UBAC2: variants seen among roughly 807,000 people sequenced by gnomAD.
UBAC2 encodes the protein UBA domain containing 2.
A neutral mutation model predicts 44.0 loss-of-function variants in UBAC2; 26 were observed. The observed-to-expected ratio is 0.59, with a 90% CI of 0.43 to 0.82. The LOEUF (loss-of-function observed/expected upper bound fraction) is 0.82. UBAC2 is among the 40% of genes least tolerant of loss of function. The pLI is 0.00. For missense variants in UBAC2, 329 were observed against 419.4 expected (o/e 0.78, Z 1.88); for synonymous variants, 155 against 154.3 (o/e 1.00, Z -0.04).
chr13:99,255,202 G>C, intron 4 of UBAC2: 1 of 1,614,010 alleles, frequency 6.2e-7, no homozygotes, highest in Non-Finnish European at 8.5e-7. Context: ...CTTGACTTTG[G>C]GTTTCAGCTT....
chr13:99,242,318 C>T (rs1228914577), intron 2 of UBAC2, among the ~76,000 whole-genome samples: 3 of 150,862 alleles, frequency 2.0e-5, no homozygotes, highest in Non-Finnish European at 4.4e-5. Context: ...GGGCGGCTGG[C>T]CGGGCGGGGG....
At chr13:99,282,745 G>C (rs1289993215) in intron 4 of UBAC2, among the ~76,000 whole-genome samples, 1 of 152,132 alleles carries the variant, frequency 6.6e-6, no homozygotes, top group Non-Finnish European at 1.5e-5. Context: ...GTTGCACCTT[G>C]TGAAAGATTT....
chr13:99,325,384 T>A (rs992944196), intron 6 of UBAC2, among the ~76,000 whole-genome samples: 1 of 152,206 alleles, frequency 6.6e-6, no homozygotes, highest in Non-Finnish European at 1.5e-5. Context: ...ATTACAGACA[T>A]GAGCCACAGT....
In UBAC2 at chr13:99,323,841, C is replaced by T. The variant is rs550857428; in HGVS notation, c.561+5772C>T. ...GGCCATTGTTAACACAGGGAGGTAG[C>T]GACCAGTTGACGTGTGATTTTTAAA... On this transcript the variant is annotated intron_variant, in intron 6 of 8. Coordinates refer to ENST00000403766, the MANE Select transcript of UBAC2 (RefSeq NM_001144072.2). 3.0e-3 allele frequency among the ~76,000 whole-genome samples: 452 copies of T among 152,232 alleles called. 3 individuals are homozygous for T. The highest frequency in any genetic ancestry group is 0.01 in the African/African-American group (434 of 41,532).
At chr13:99,304,065 C>A (rs2044295443) in intron 4 of UBAC2, among the ~76,000 whole-genome samples, 1 of 152,182 alleles carries the variant, frequency 6.6e-6, no homozygotes, top group Non-Finnish European at 1.5e-5. Context: ...GGGGCCCATC[C>A]AACCCCAGGC....
At chr13:99,302,413 G>A (rs1374851266) in intron 4 of UBAC2, among the ~76,000 whole-genome samples, 1 of 152,156 alleles carries the variant, frequency 6.6e-6, no homozygotes, top group Admixed American at 6.5e-5. Context: ...TGGCAAGCTG[G>A]GGCTGTTTCA....
At chr13:99,234,173 T>A (rs957097011) in intron 1 of UBAC2, among the ~76,000 whole-genome samples, 1 of 18,414 alleles carries the variant, frequency 5.4e-5, no homozygotes, top group South Asian at 2.4e-3. Context: ...AGCCGTTTCT[T>A]TTTTTTTTTT....
intron 1 of UBAC2, among the ~76,000 whole-genome samples, chr13:99,237,710 T>C (rs1250692940): frequency 6.6e-6 from 1 of 152,222 alleles, no homozygotes; most frequent in Non-Finnish European, 1.5e-5. Context: ...ATCCCAGCAC[T>C]TTGGGAGGCC....
At position 99,235,746 on chromosome 13, in the gene UBAC2, G is replaced by A. The variant is rs183017727; in HGVS notation, c.32-2681G>A. ...TCCTAACCCTTTGGGAGGCTGAGGC[G>A]AGAGGATCACTTGAGGCTAGGAGTT... On this transcript the variant is annotated intron_variant, in intron 1 of 8. Coordinates refer to ENST00000403766, the MANE Select transcript of UBAC2 (RefSeq NM_001144072.2). 4.5e-3 allele frequency among the ~76,000 whole-genome samples: 689 copies of A among 152,250 alleles called. 5 individuals are homozygous for A. Among genetic ancestry groups the A allele is most frequent in the African/African-American group, 0.015 (631 of 41,560 alleles).
rs2042794182 is a variant in UBAC2, at chr13:99,201,295, GCCGTCCCCCTTACCATGCC to G, written c.31+359_31+377del. 4.1e-6 allele frequency: 6 copies of G among 1,465,458 alleles called. No individual in the cohort carries two copies. In the South Asian group the frequency reaches 8.4e-5, roughly 20 times the overall value. The allele number at this position is 1,465,458 out of a possible 1,614,324, so 90.8% of individuals were successfully genotyped here. A position where few individuals can be genotyped will look rare whatever the true frequency, so the allele number is the denominator to read the frequency against. The stretch of plus-strand genomic sequence containing the variant: ...AGCGTGTGCCGCGCTGAAGGAAGGG[GCCGTCCCCCTTACCATGCC>G]CCATTCTTTTAGGCTTGGGGGACCG... On this transcript the variant is annotated intron_variant, in intron 1 of 8. Coordinates refer to ENST00000403766, the MANE Select transcript of UBAC2 (RefSeq NM_001144072.2).
At chr13:99,375,730 A>G (rs187140748) in intron 8 of UBAC2, among the ~76,000 whole-genome samples, 1 of 152,266 alleles carries the variant, frequency 6.6e-6, no homozygotes, top group East Asian at 1.9e-4. Flanking sequence ...CTTATGTCAA[A>G]GAGGAGTTGA....
At chr13:99,239,634 G>T (rs866503180) in intron 2 of UBAC2, among the ~76,000 whole-genome samples, 1 of 152,176 alleles carries the variant, frequency 6.6e-6, no homozygotes, top group Non-Finnish European at 1.5e-5. Context: ...GGTTCGTTTG[G>T]CTAAGCCCAC....
At chr13:99,282,540 C>A (rs1271673763) in intron 4 of UBAC2, among the ~76,000 whole-genome samples, 1 of 152,064 alleles carries the variant, frequency 6.6e-6, no homozygotes, top group Admixed American at 6.5e-5. Flanking sequence ...TCAAAATTTC[C>A]AGTCTAATAG....
chr13:99,327,484 C>G (rs6491497), intron 6 of UBAC2, among the ~76,000 whole-genome samples: 38,722 of 150,728 alleles, frequency 0.26, 5,939 homozygotes, highest in Non-Finnish European at 0.35. Context: ...CTCTCTCTCT[C>G]TGTGTGTGTG....
At chr13:99,370,980 A>G (rs1200055524) in intron 8 of UBAC2, among the ~76,000 whole-genome samples, 2 of 152,256 alleles carry the variant, frequency 1.3e-5, no homozygotes, top group African/African-American at 4.8e-5. Flanking sequence ...AGAAATATCA[A>G]AATTCCGTTA....
chr13:99,296,880 C>CT (rs1362591814), intron 4 of UBAC2, among the ~76,000 whole-genome samples: 3 of 152,180 alleles, frequency 2.0e-5, no homozygotes, highest in African/African-American at 4.8e-5. Context: ...TTTTAAAACT[C>CT]TATCAATCTG....
intron 6 of UBAC2, among the ~76,000 whole-genome samples, chr13:99,339,835 T>C (rs1411084222): frequency 6.6e-6 from 1 of 152,202 alleles, no homozygotes; most frequent in Non-Finnish European, 1.5e-5. Context: ...TAAAACACTA[T>C]GTAAATAAAA....
At chr13:99,246,838 C>T (rs2043389548) in intron 4 of UBAC2, among the ~76,000 whole-genome samples, 1 of 152,152 alleles carries the variant, frequency 6.6e-6, no homozygotes, top group Non-Finnish European at 1.5e-5. Context: ...TTAATTCAGC[C>T]ATCTCCTGAA....
At chr13:99,348,473 A>G (rs925910094) in intron 7 of UBAC2, among the ~76,000 whole-genome samples, 2 of 152,198 alleles carry the variant, frequency 1.3e-5, no homozygotes, top group African/African-American at 2.4e-5. Context: ...CAGGGGCTCA[A>G]AACAGCTGTG....
Sources: gnomAD v4.1 joint callset for allele counts (sites outside exome capture counted in the v4.1 genomes callset) on GRCh38, gnomAD v4.1.1 for gene constraint, MANE v1.5 for transcripts, NCBI Gene and HGNC (gene_info 2026-07-23, HGNC 2026-07-21) for gene names.